PRKD3: variants seen among roughly 807,000 people sequenced by gnomAD.
PRKD3 encodes the protein protein kinase D3.
Under a neutral mutation model 99.2 loss-of-function variants are expected in PRKD3, and 47 were observed. That is an observed-to-expected ratio of 0.47 (90% CI 0.38 to 0.60). PRKD3 has a LOEUF of 0.60. Among genes scored for constraint, PRKD3 ranks in the 20% least tolerant of loss-of-function variants. PRKD3 has a pLI of 0.00. For missense variants in PRKD3, 1,019 were observed against 1,088.4 expected (o/e 0.94, Z 0.90); for synonymous variants, 392 against 355.4 (o/e 1.10, Z -1.16).
In PRKD3 at chr2:37,256,638, T is replaced by A. The variant is rs751845865; in HGVS notation, c.2413+24A>T. ...AAACACATAGCCAAAATTTTTTTTTTTTTTTTTTTTTTTTTTTTTTTACCT... is the reference window on the plus strand; with the variant it reads ...AAACACATAGCCAAAATTTTTTTTTATTTTTTTTTTTTTTTTTTTTTACCT... On this transcript the variant is annotated intron_variant, in intron 17 of 18. Transcript: ENST00000234179. The A allele has an allele frequency of 6.1e-3, 7,241 of 1,196,244 alleles. 27 individuals carry two copies. The highest frequency in any genetic ancestry group is 0.022 in the South Asian group (918 of 41,670). 74.1% of individuals were successfully genotyped at this position (1,196,244 alleles called of 1,614,324 possible). A position where few individuals can be genotyped will look rare whatever the true frequency, so the allele number is the denominator to read the frequency against.
intron 17 of PRKD3, 27 bp downstream of exon 17, chr2:37,256,628 ATTTTTTT>A (rs56389006): frequency 0.066 from 77,246 of 1,165,672 alleles, 371 homozygotes; most frequent in East Asian, 0.11. Flanking sequence ...CATAGCCAAA[ATTTTTTT>A]TTTTTTTTTT....
rs1217747422 is a variant in PRKD3, at chr2:37,253,165, T to G, written c.*12A>C. 2.5e-6 allele frequency: 4 copies of G among 1,587,502 alleles called. No homozygotes were observed. Among genetic ancestry groups the G allele is most frequent in the South Asian group, 1.1e-5 (1 of 87,392 alleles). ...AAAATGAAATCCTTCCTTATTTAGGTTAGCTCAGTGATTAAGGATCTTCTT... is the reference window on the plus strand; with the variant it reads ...AAAATGAAATCCTTCCTTATTTAGGGTAGCTCAGTGATTAAGGATCTTCTT... On this transcript the variant is annotated 3_prime_UTR_variant, in exon 19 of 19. Transcript: ENST00000234179.
At chr2:37,312,301 C>A (rs1028687559) in intron 2 of PRKD3, among the ~76,000 whole-genome samples, 19 of 152,182 alleles carry the variant, frequency 1.2e-4, no homozygotes, top group African/African-American at 4.6e-4. Flanking sequence ...TCAAAAATTA[C>A]TGAATCGTGG....
At chr2:37,315,439 G>A (rs915368287) in intron 2 of PRKD3, among the ~76,000 whole-genome samples, 1 of 151,968 alleles carries the variant, frequency 6.6e-6, no homozygotes, top group African/African-American at 2.4e-5. Context: ...ATATTAAATG[G>A]CAGTTTATTT....
chr2:37,272,042 C>G (rs1386790526), intron 12 of PRKD3, among the ~76,000 whole-genome samples: 2 of 152,284 alleles, frequency 1.3e-5, no homozygotes, highest in East Asian at 3.9e-4. Flanking sequence ...TGTCAGTAAT[C>G]CATTCCATCC....
At chr2:37,312,509 T>C (rs549864606) in intron 2 of PRKD3, among the ~76,000 whole-genome samples, 157 of 152,356 alleles carry the variant, frequency 1.0e-3, no homozygotes, top group Non-Finnish European at 1.9e-3. Context: ...CCAGCTCTTA[T>C]AGTGTAAATA....
intron 2 of PRKD3, among the ~76,000 whole-genome samples, chr2:37,300,300 T>C (rs60495907): frequency 0.073 from 11,152 of 152,122 alleles, 1,389 homozygotes; most frequent in African/African-American, 0.25. Context: ...ATGTTCTCAC[T>C]TGTATGTGAA....
At chr2:37,318,043 GTTCT>G (rs1435611931) in intron 1 of PRKD3, 3 of 151,844 alleles carry the variant, frequency 2.0e-5, no homozygotes, top group South Asian at 2.1e-4. Flanking sequence ...ATAATTGATG[GTTCT>G]TTCTAAGTTC....
chr2:37,271,986 A>G (rs148239021), intron 12 of PRKD3, among the ~76,000 whole-genome samples: 1 of 152,162 alleles, frequency 6.6e-6, no homozygotes, highest in Non-Finnish European at 1.5e-5. Flanking sequence ...GTGCTCCTGT[A>G]CTTGCATGAA....
At chr2:37,314,699 CA>C (rs1671582587) in intron 2 of PRKD3, among the ~76,000 whole-genome samples, 2 of 151,884 alleles carry the variant, frequency 1.3e-5, no homozygotes, top group South Asian at 4.2e-4. Context: ...GTCATCAAAA[CA>C]CTGGTTATGA....
chr2:37,319,616 G>A (rs1375233546), intron 1 of PRKD3, among the ~76,000 whole-genome samples: 2 of 151,982 alleles, frequency 1.3e-5, no homozygotes, highest in Non-Finnish European at 2.9e-5. Flanking sequence ...AATATAATGG[G>A]TGACTAAAAG....
At position 37,316,528 on chromosome 2, in the gene PRKD3, C is replaced by A; in HGVS notation, c.-4G>T. Reference sequence around the variant, plus strand: ...GAGGGGAATTATTTGCAGACATCTGCCTTTCTTTAATCTTTTAAAATAGTT... The same window carrying A: ...GAGGGGAATTATTTGCAGACATCTGACTTTCTTTAATCTTTTAAAATAGTT... On this transcript the variant is annotated 5_prime_UTR_variant, in exon 2 of 19. Transcript: ENST00000234179. 1 of 1,609,290 alleles carries A rather than the reference C, an allele frequency of 6.2e-7. No homozygotes were observed. The highest frequency in any genetic ancestry group is 8.5e-7 in the Non-Finnish European group (1 of 1,177,806).
intron 16 of PRKD3, among the ~76,000 whole-genome samples, chr2:37,257,923 T>C (rs1239748698): frequency 6.6e-6 from 1 of 152,088 alleles, no homozygotes; most frequent in Non-Finnish European, 1.5e-5. Context: ...AACAGTTATA[T>C]GTAAAGGGAG....
At position 37,253,321 on chromosome 2, in the gene PRKD3, T is replaced by A. The variant is rs1667663193; in HGVS notation, c.2529A>T (p.Glu843Asp). The change falls in exon 19 of 19, where the codon GAA becomes GAT. Residue 843 changes from glutamate to aspartate, a missense_variant. Around this residue, in one of 3 missense-constraint regions of PRKD3, gnomAD observed 125 missense variants for 120.6 expected, o/e 1.04. Coordinates refer to ENST00000234179, the MANE Select transcript of PRKD3 (RefSeq NM_005813.6). ...QDYQTWLDLR[E>D]FETRIGERYI... ...AACGTTCTCCAATGCGAGTTTCAAA[T>A]TCTCTAAGGTCAAGCCAAGTCTGAT... 1 of 1,612,716 alleles carries A rather than the reference T, an allele frequency of 6.2e-7. No homozygotes were observed. Among genetic ancestry groups the A allele is most frequent in the African/African-American group, 1.3e-5 (1 of 74,892 alleles).
chr2:37,319,134 G>T (rs778872620), intron 1 of PRKD3, among the ~76,000 whole-genome samples: 27 of 152,262 alleles, frequency 1.8e-4, no homozygotes, highest in Admixed American at 2.6e-4. Flanking sequence ...TTATATGGTT[G>T]AGAAAACAAA....
rs780263433 is a variant in PRKD3, at chr2:37,274,587, G to C, written c.1485C>G (p.Tyr495Ter). The stretch of plus-strand genomic sequence containing the variant: ...TGTCCCCATTGTTCTCACCAACGAA[G>C]TATACCATAGTATCAGTAATGATTT... ...CFEIITDTMV[Y>*]FVGENNGDSS... Residue 495 changes from tyrosine to a stop codon, truncating the protein, a stop_gained, in exon 11 of 19, where the codon TAC (tyrosine) becomes TAG (stop). Coordinates refer to ENST00000234179, the MANE Select transcript of PRKD3 (RefSeq NM_005813.6). LOFTEE classifies it high-confidence loss of function. 1 of 1,614,084 alleles carries C rather than the reference G, an allele frequency of 6.2e-7. No homozygotes were observed. Among genetic ancestry groups the C allele is most frequent in the Non-Finnish European group, 8.5e-7 (1 of 1,179,954 alleles).
intron 10 of PRKD3, 83 bp downstream of exon 10, chr2:37,275,684 C>A: frequency 1.4e-6 from 2 of 1,399,912 alleles, no homozygotes; most frequent in Non-Finnish European, 1.9e-6. Flanking sequence ...CATATATATT[C>A]AAATATAACA....
intron 10 of PRKD3, among the ~76,000 whole-genome samples, chr2:37,274,955 G>A (rs2148540551): frequency 6.6e-6 from 1 of 152,258 alleles, no homozygotes; most frequent in South Asian, 2.1e-4. Context: ...GAAGATATAG[G>A]AGAGTAATCT....
chr2:37,299,694 A>T (rs74177070), intron 2 of PRKD3, among the ~76,000 whole-genome samples: 1 of 151,942 alleles, frequency 6.6e-6, no homozygotes, highest in Middle Eastern at 3.4e-3. Context: ...ACAACAACAA[A>T]AAAAGAAAAT....
Sources: gnomAD v4.1 joint callset for allele counts (sites outside exome capture counted in the v4.1 genomes callset) on GRCh38, gnomAD v4.1.1 for gene constraint, gnomAD v4.1.1 regional missense constraint, MANE v1.5 for transcripts, NCBI Gene and HGNC (gene_info 2026-07-23, HGNC 2026-07-21) for gene names.